The following MYO18B variants were observed in gnomAD, a reference collection of about 807,000 sequenced individuals.
MYO18B encodes the protein myosin XVIIIB.
Under a neutral mutation model 273.0 loss-of-function variants are expected in MYO18B, and 204 were observed. The ratio of observed to expected loss-of-function variants is 0.75; its 90% confidence interval spans 0.67 to 0.84. The LOEUF is 0.84. MYO18B is among the 40% of genes least tolerant of loss of function. MYO18B has a pLI of 0.00. For synonymous variants in MYO18B, 1,330 were observed against 1,305.7 expected (o/e 1.02, Z -0.40); for missense variants, 3,212 against 3,287.6 (o/e 0.98, Z 0.56).
chr22:25,890,020 AGTT>A (rs913940692), intron 25 of MYO18B, among the ~76,000 whole-genome samples: 13 of 152,212 alleles, frequency 8.5e-5, no homozygotes, highest in African/African-American at 2.7e-4. Flanking sequence ...GTTTCTTTTT[AGTT>A]GTTGCAACAA....
intron 39 of MYO18B, among the ~76,000 whole-genome samples, chr22:25,972,674 G>A (rs1217683081): frequency 1.3e-5 from 2 of 152,292 alleles, no homozygotes; most frequent in East Asian, 3.9e-4. Flanking sequence ...ACGAGATCTC[G>A]GCTGGGCACG....
chr22:25,828,226 A>G (rs569504450), intron 14 of MYO18B, among the ~76,000 whole-genome samples: 1 of 151,958 alleles, frequency 6.6e-6, no homozygotes, highest in South Asian at 2.1e-4. Context: ...AGGTTGGGCA[A>G]CTCTCCCAAG....
chr22:25,917,377 G>T (rs1569187678), intron 33 of MYO18B, among the ~76,000 whole-genome samples: 1 of 152,008 alleles, frequency 6.6e-6, no homozygotes, highest in Non-Finnish European at 1.5e-5. Flanking sequence ...ATATATTTAG[G>T]TGCATCTAAG....
At chr22:25,996,744 G>A (rs1333906344) in intron 40 of MYO18B, among the ~76,000 whole-genome samples, 2 of 152,172 alleles carry the variant, frequency 1.3e-5, no homozygotes, top group Non-Finnish European at 2.9e-5. Flanking sequence ...TGAAATGAAG[G>A]AGCCAGCTGT....
chr22:25,903,868 A>G, intron 31 of MYO18B, 37 bp downstream of exon 31: 1 of 1,559,274 alleles, frequency 6.4e-7, no homozygotes, highest in Non-Finnish European at 8.7e-7. Context: ...ACCCTGTCCC[A>G]TGTCTCCAAT....
chr22:25,807,272 G>A (rs2088521000), intron 12 of MYO18B, among the ~76,000 whole-genome samples: 1 of 152,240 alleles, frequency 6.6e-6, no homozygotes. Context: ...GAGAGGCCAA[G>A]GGTAGTGTAG....
In MYO18B at chr22:26,000,178, G is replaced by A. The variant is rs144941285; in HGVS notation, c.6288-3087G>A. On this transcript the variant is annotated intron_variant, in intron 40 of 43. Coordinates refer to ENST00000335473, the MANE Select transcript of MYO18B (RefSeq NM_032608.7). ...ACAAGCAGACATGGACTTGCCTTGT[G>A]GAGCTTGTAGCCCAGAGACACTTTC... Among the ~76,000 whole-genome samples the A allele has an allele frequency of 1.5e-3, 229 of 152,358 alleles. 1 individual carries two copies. The highest frequency in any genetic ancestry group is 5.5e-3 in the African/African-American group (227 of 41,594).
chr22:25,859,659 A>G (rs572849905), intron 21 of MYO18B, among the ~76,000 whole-genome samples: 1 of 151,648 alleles, frequency 6.6e-6, no homozygotes, highest in Admixed American at 6.6e-5. Context: ...CCTAGTAGCC[A>G]TTTTATCTCT....
chr22:25,779,492 C>T (rs375692672), intron 8 of MYO18B, among the ~76,000 whole-genome samples: 40 of 152,316 alleles, frequency 2.6e-4, no homozygotes, highest in African/African-American at 9.6e-4. Context: ...ACATCTGGCT[C>T]ATGCTAAAAG....
At chr22:26,010,190 G>A (rs551833306) in intron 42 of MYO18B, among the ~76,000 whole-genome samples, 2 of 151,834 alleles carry the variant, frequency 1.3e-5, no homozygotes, top group East Asian at 3.9e-4. Flanking sequence ...ATCCCCCACT[G>A]CCAACACCTT....
chr22:25,759,689 G>A (rs1443973905), intron 1 of MYO18B, among the ~76,000 whole-genome samples: 1 of 152,136 alleles, frequency 6.6e-6, no homozygotes, highest in Non-Finnish European at 1.5e-5. Context: ...TTACAACTTT[G>A]GCTGGGAAGT....
chr22:25,744,183 G>T (rs879536601), intron 1 of MYO18B, among the ~76,000 whole-genome samples: 3 of 152,122 alleles, frequency 2.0e-5, no homozygotes, highest in African/African-American at 4.8e-5. Flanking sequence ...TCTAACTATC[G>T]CAAAGATTTT....
At chr22:25,987,228 A>G (rs9620579) in intron 39 of MYO18B, among the ~76,000 whole-genome samples, 1,554 of 152,300 alleles carry the variant, frequency 0.01, 27 homozygotes, top group African/African-American at 0.036. Context: ...AACAAACAAC[A>G]AACAACAGTT....
intron 12 of MYO18B, among the ~76,000 whole-genome samples, chr22:25,812,024 G>A (rs1255672793): frequency 2.0e-5 from 3 of 152,204 alleles, no homozygotes; most frequent in African/African-American, 7.2e-5. Flanking sequence ...AGGTGGGGAA[G>A]CTGAGGCTCA....
At chr22:25,992,034 G>A (rs1390820479) in intron 39 of MYO18B, among the ~76,000 whole-genome samples, 1 of 152,212 alleles carries the variant, frequency 6.6e-6, no homozygotes, top group Non-Finnish European at 1.5e-5. Context: ...CTCCATCCAA[G>A]ATGGGCTGAG....
At chr22:25,919,877 TTA>T (rs1415262727) in intron 33 of MYO18B, among the ~76,000 whole-genome samples, 1 of 152,200 alleles carries the variant, frequency 6.6e-6, no homozygotes, top group Non-Finnish European at 1.5e-5. Flanking sequence ...TCATAATCCT[TTA>T]TATTTGCAAA....
chr22:25,974,361 G>T (rs1460968416), intron 39 of MYO18B, among the ~76,000 whole-genome samples: 1 of 152,158 alleles, frequency 6.6e-6, no homozygotes, highest in Non-Finnish European at 1.5e-5. Context: ...TTTGCCACTT[G>T]TATAGGTCAA....
At chr22:25,912,824 G>A (rs1183385757) in intron 33 of MYO18B, among the ~76,000 whole-genome samples, 1 of 152,218 alleles carries the variant, frequency 6.6e-6, no homozygotes, top group African/African-American at 2.4e-5. Flanking sequence ...GGTTTGAGGT[G>A]TATAATTCCC....
chr22:25,937,740 C>T (rs1051249199), intron 34 of MYO18B, among the ~76,000 whole-genome samples: 5 of 152,070 alleles, frequency 3.3e-5, no homozygotes, highest in Admixed American at 6.5e-5. Context: ...CATGCACCAC[C>T]GCGCCTGGCT....
Sources: gnomAD v4.1 joint callset for allele counts (sites outside exome capture counted in the v4.1 genomes callset) on GRCh38, gnomAD v4.1.1 for gene constraint, MANE v1.5 for transcripts, NCBI Gene and HGNC (gene_info 2026-07-23, HGNC 2026-07-21) for gene names.